The following CACNA1C variants were observed in gnomAD, a reference collection of about 807,000 sequenced individuals.
CACNA1C encodes voltage-dependent L-type calcium channel subunit alpha-1C.
A neutral mutation model predicts 229.0 loss-of-function variants in CACNA1C; 30 were observed. The observed-to-expected ratio is 0.13, with a 90% CI of 0.10 to 0.18. The LOEUF (loss-of-function observed/expected upper bound fraction) is 0.18, where lower values mean the gene tolerates loss of function less well. CACNA1C is among the 10% of genes least tolerant of loss of function. The pLI is 1.00. For synonymous variants in CACNA1C, 1,114 were observed against 1,132.5 expected (o/e 0.98, Z 0.33); for missense variants, 1,658 against 2,845.0 (o/e 0.58, Z 9.49).
chr12:2,472,700 A>G (rs1015968021), intron 5 of CACNA1C, among the ~76,000 whole-genome samples: 4 of 152,002 alleles, frequency 2.6e-5, no homozygotes, highest in East Asian at 1.9e-4. Context: ...TTTGTTTCCT[A>G]TTGACTGCTT....
chr12:2,380,818 G>T (rs1476238922), intron 3 of CACNA1C, among the ~76,000 whole-genome samples: 2 of 152,222 alleles, frequency 1.3e-5, no homozygotes, highest in Non-Finnish European at 2.9e-5. Context: ...CTCTTTGGGG[G>T]CCCTGCTTGG....
At chr12:2,290,677 G>A (rs748638032) in intron 3 of CACNA1C, among the ~76,000 whole-genome samples, 1 of 152,088 alleles carries the variant, frequency 6.6e-6, no homozygotes, top group African/African-American at 2.4e-5. Context: ...ACATACACTC[G>A]GGGCTGCTCT....
chr12:2,504,508 G>A lies in CACNA1C; in HGVS notation c.1114-334G>A, dbSNP rs762756712. ...TCTGGTCATCTTTGGATCCTTTTTC[G>A]TTCTAAATCTGGTTCTCGGTGTGTT... is the stretch of plus-strand genomic sequence containing the variant. On this transcript the variant is annotated intron_variant, in intron 7 of 46. Transcript: ENST00000399655. The surrounding 1 kb of genome is among the most constrained non-coding windows in gnomAD (Gnocchi z 6.8). 17 of 1,610,620 alleles carry A rather than the reference G, an allele frequency of 1.1e-5. No homozygotes were observed. Among genetic ancestry groups the A allele is most frequent in the Middle Eastern group, 1.6e-4 (1 of 6,072 alleles).
intron 9 of CACNA1C, among the ~76,000 whole-genome samples, chr12:2,544,840 G>A (rs934795222): frequency 6.6e-5 from 10 of 152,328 alleles, no homozygotes; most frequent in Admixed American, 5.2e-4. Flanking sequence ...AGCATTGGTT[G>A]TGCGACATGC....
chr12:2,664,151 C>T (rs1396194063), intron 34 of CACNA1C, among the ~76,000 whole-genome samples: 1 of 152,180 alleles, frequency 6.6e-6, no homozygotes, highest in African/African-American at 2.4e-5. Flanking sequence ...AGTTCTCAAC[C>T]CACTAATCAT....
At chr12:2,544,111 C>T (rs898129568) in intron 9 of CACNA1C, among the ~76,000 whole-genome samples, 12 of 151,378 alleles carry the variant, frequency 7.9e-5, no homozygotes, top group Non-Finnish European at 1.5e-5. Context: ...CAGCTCCTAA[C>T]TCTCAGTGCT....
intron 12 of CACNA1C, 27 bp from the exon 13 acceptor site, chr12:2,567,542 A>C: frequency 9.7e-6 from 14 of 1,448,974 alleles, no homozygotes; most frequent in Non-Finnish European, 1.2e-5. Context: ...CCCTGCTCGG[A>C]TCTCATCCCT....
intron 3 of CACNA1C, among the ~76,000 whole-genome samples, chr12:2,407,015 A>G (rs2098745087): frequency 6.6e-6 from 1 of 152,258 alleles, no homozygotes; most frequent in African/African-American, 2.4e-5. Context: ...TCAGTGAGGC[A>G]GGGCCTCCTC....
At chr12:2,561,626 C>A (rs1240059174) in intron 11 of CACNA1C, among the ~76,000 whole-genome samples, 1 of 152,180 alleles carries the variant, frequency 6.6e-6, no homozygotes, top group Non-Finnish European at 1.5e-5. Context: ...GGTGGAGTTT[C>A]CGGTAGCTGG....
intron 18 of CACNA1C, among the ~76,000 whole-genome samples, chr12:2,587,804 A>C (rs1275530775): frequency 6.6e-6 from 1 of 152,020 alleles, no homozygotes; most frequent in Non-Finnish European, 1.5e-5. Context: ...TGTTGGTTAC[A>C]TGTGTCTCTT....
chr12:2,489,244 G>A (rs1193696319), intron 6 of CACNA1C, among the ~76,000 whole-genome samples: 1 of 151,994 alleles, frequency 6.6e-6, no homozygotes, highest in African/African-American at 2.4e-5. Context: ...TCTTTTTATA[G>A]TCCAATATTA....
chr12:2,612,083 G>T, intron 29 of CACNA1C, 70 bp downstream of exon 29: 1 of 925,844 alleles, frequency 1.1e-6, no homozygotes, highest in East Asian at 2.4e-5. Context: ...TGGGGTGCAG[G>T]TATTGAAGGC....
chr12:2,285,918 C>G lies in CACNA1C; in HGVS notation c.478-163058C>G, dbSNP rs1431345289. Among the ~76,000 whole-genome samples the G allele has an allele frequency of 6.6e-6, 1 of 152,198 alleles. No homozygotes were observed. ...GGATTCTTCAAACTGCACAGCTTTT[C>G]AGGCCATTTCGTTTAGGCGAGCCCT... On this transcript the variant is annotated intron_variant, in intron 3 of 46. Transcript: ENST00000399655. This position sits in a 1 kb window ranked among gnomAD's most constrained non-coding sequence, Gnocchi z 4.2.
At chr12:2,391,413 T>C (rs1050796257) in intron 3 of CACNA1C, among the ~76,000 whole-genome samples, 2 of 152,136 alleles carry the variant, frequency 1.3e-5, no homozygotes, top group African/African-American at 4.8e-5. Flanking sequence ...GGTTGATTTT[T>C]GGGCAACGTC....
Position 2,658,802 on chromosome 12 carries a change from A to G in CACNA1C, c.4232+3564A>G, listed in dbSNP as rs1179378151. Among the ~76,000 whole-genome samples, 3 of 151,994 alleles carry G rather than the reference A, an allele frequency of 2.0e-5. No individual in the cohort carries two copies. In the East Asian group the frequency reaches 5.8e-4, roughly 30 times the overall value. ...AGTGATGTTGATGATCCTGACCTTGAGTAGGCCTAGGCTAATGTGTGGGTT... is the reference window on the plus strand; with the variant it reads ...AGTGATGTTGATGATCCTGACCTTGGGTAGGCCTAGGCTAATGTGTGGGTT... On this transcript the variant is annotated intron_variant, in intron 34 of 46. Transcript: ENST00000399655.
chr12:2,559,465 G>A lies in CACNA1C; in HGVS notation c.1508+2488G>A, dbSNP rs374815341. On this transcript the variant is annotated intron_variant, in intron 11 of 46. Coordinates refer to ENST00000399655, the MANE Select transcript of CACNA1C (RefSeq NM_000719.7). ...CCTGTAAACCTCTGGAGTCTCCCTC[G>A]GCCCTGAGGCTTTGCTATGTGCTGG... Among the ~76,000 whole-genome samples, 62 of 152,300 alleles carry A rather than the reference G, an allele frequency of 4.1e-4. 1 individual carries two copies. The highest frequency in any genetic ancestry group is 4.1e-3 in the East Asian group (21 of 5,180).
Position 2,585,388 on chromosome 12 carries a change from A to G in CACNA1C, c.2352A>G (p.Pro784=), listed in dbSNP as rs1395918085. ...GCTGACTGGCCAGGACTGCCAGCCC[A>G]GAGAAGAAACAAGAGTTGGTGGAGA... ...ERKKLARTAS[P]EKKQELVEKP... The change falls in exon 17 of 47, where the codon CCA becomes CCG. Residue 784 remains proline (P), a synonymous_variant. Coordinates refer to ENST00000399655, the MANE Select transcript of CACNA1C (RefSeq NM_000719.7). The surrounding 1 kb of genome is among the most constrained non-coding windows in gnomAD (Gnocchi z 4.1). 6.2e-7 allele frequency: 1 copy of G among 1,612,688 alleles called. No individual in the cohort carries two copies.
intron 21 of CACNA1C, among the ~76,000 whole-genome samples, chr12:2,599,493 C>G (rs377548612): frequency 2.6e-4 from 40 of 152,306 alleles, no homozygotes; most frequent in African/African-American, 8.7e-4. Flanking sequence ...AGAATCAAGA[C>G]CAATGAGTAG....
Position 2,127,521 on chromosome 12 carries a change from T to C in CACNA1C, c.477+7091T>C, listed in dbSNP as rs150531714. ...GAAATGCTAGGGTTATAAAATACAC[T>C]AATAGATAACTACAAGCAACAAACC... is the stretch of plus-strand genomic sequence containing the variant. On this transcript the variant is annotated intron_variant, in intron 3 of 46. Coordinates refer to ENST00000399655, the MANE Select transcript of CACNA1C (RefSeq NM_000719.7). Among the ~76,000 whole-genome samples the C allele has an allele frequency of 5.9e-3, 902 of 152,330 alleles. 5 individuals are homozygous for C. The highest frequency in any genetic ancestry group is 9.1e-3 in the Non-Finnish European group (616 of 68,036).
Sources: allele counts gnomAD v4.1 joint callset (sites outside exome capture counted in the v4.1 genomes callset), GRCh38; gene constraint gnomAD v4.1.1; non-coding constraint Gnocchi (gnomAD v3.1); transcripts MANE v1.5; gene names NCBI Gene and HGNC (gene_info 2026-07-23, HGNC 2026-07-21).